NUP205: variants seen among roughly 807,000 people sequenced by gnomAD.
NUP205 encodes nucleoporin 205, also known as nuclear pore complex protein Nup205.
Under a neutral mutation model 253.8 loss-of-function variants are expected in NUP205, and 76 were observed. The ratio of observed to expected loss-of-function variants is 0.30; its 90% CI spans 0.25 to 0.36. NUP205 has a LOEUF of 0.36. Among genes scored for constraint, NUP205 ranks in the 10% least tolerant of loss-of-function variants. NUP205 has a pLI of 1.00. For synonymous variants in NUP205, 832 were observed against 850.1 expected (o/e 0.98, Z 0.37); for missense variants, 2,162 against 2,425.5 (o/e 0.89, Z 2.28).
intron 7 of NUP205, among the ~76,000 whole-genome samples, chr7:135,583,855 T>C (rs1424316870): frequency 6.6e-6 from 1 of 151,720 alleles, no homozygotes; most frequent in East Asian, 1.9e-4. Flanking sequence ...TTTTTTTTTT[T>C]TTTTTGAGAC....
chr7:135,570,050 T>TAGAGAGAG (rs768445558), intron 1 of NUP205, among the ~76,000 whole-genome samples: 21 of 88,914 alleles, frequency 2.4e-4, no homozygotes, highest in South Asian at 1.6e-3. Flanking sequence ...TATATATATA[T>TAGAGAGAG]ATAGAGAGAG....
chr7:135,646,152 C>T lies in NUP205; in HGVS notation c.5813-6C>T, dbSNP rs1563142463. On this transcript the variant is annotated splice_polypyrimidine_tract_variant and splice_region_variant and intron_variant, in intron 41 of 42. Transcript: ENST00000285968. ...AGCCGGTATGACTCTGTTTTTTTAT[C>T]TCTAGATTCCTTCGCCTCAGAAACC... The T allele has an allele frequency of 6.2e-7, 1 of 1,607,688 alleles. No individual in the cohort carries two copies. The highest frequency in any genetic ancestry group is 8.5e-7 in the Non-Finnish European group (1 of 1,174,272).
chr7:135,643,847 A>G (rs1794959977), intron 39 of NUP205, among the ~76,000 whole-genome samples: 1 of 152,236 alleles, frequency 6.6e-6, no homozygotes, highest in Non-Finnish European at 1.5e-5. Flanking sequence ...GATTGCTACT[A>G]AGTAGCTTGC....
chr7:135,603,716 G>T (rs1305955200), intron 18 of NUP205, among the ~76,000 whole-genome samples: 1 of 151,512 alleles, frequency 6.6e-6, no homozygotes. Flanking sequence ...CACCATATTG[G>T]CCAGGCTGGT....
chr7:135,576,246 T>C, intron 3 of NUP205, 24 bp from the exon 4 acceptor site: 2 of 1,605,010 alleles, frequency 1.2e-6, no homozygotes, highest in Non-Finnish European at 1.7e-6. Flanking sequence ...ATTAACAATA[T>C]TATTTCTCAA....
rs1793996089 is a variant in NUP205 at position 135,603,013 on chromosome 7, T to A, written c.2702+19T>A. ...TTGCCAGGTAAGTTACCTTTGTAGG[T>A]AGAGAAATGAAGTAAACAGATAGAC... On this transcript the variant is annotated intron_variant, in intron 18 of 42. Coordinates refer to ENST00000285968, the MANE Select transcript of NUP205 (RefSeq NM_015135.3). The A allele has an allele frequency of 1.9e-6, 3 of 1,579,774 alleles. No homozygotes were observed. Among genetic ancestry groups the A allele is most frequent in the Non-Finnish European group, 2.6e-6 (3 of 1,153,336 alleles).
chr7:135,608,826 T>C (rs115457889), intron 22 of NUP205, among the ~76,000 whole-genome samples: 5,199 of 151,876 alleles, frequency 0.034, 119 homozygotes, highest in Middle Eastern at 0.1. Flanking sequence ...CTTGGCCGCG[T>C]GCAGTGACTC....
intron 2 of NUP205, among the ~76,000 whole-genome samples, chr7:135,573,343 TTTTA>T (rs1364775920): frequency 3.3e-5 from 5 of 152,210 alleles, no homozygotes; most frequent in Non-Finnish European, 5.9e-5. Context: ...ACCTTATTAT[TTTTA>T]TTTATTATGT....
Position 135,645,558 on chromosome 7 carries a change from T to C in NUP205, c.5774T>C (p.Phe1925Ser). The change falls in exon 41 of 43, where the codon TTT becomes TCT. Residue 1925 changes from phenylalanine to serine, a missense_variant. This residue lies in a region of NUP205 where 1,144 missense variants were observed against 1,280.9 expected (regional missense o/e 0.89). Coordinates refer to ENST00000285968, the MANE Select transcript of NUP205 (RefSeq NM_015135.3). ...CMPTDSQDSLFASRTLFKSRR... is the reference protein window; with the variant it reads ...CMPTDSQDSLSASRTLFKSRR... ...CCCACGGATTCTCAAGATTCCTTATTTGCCTCGAGAACCTTGTTTAAAAGC... is the reference window on the plus strand; with the variant it reads ...CCCACGGATTCTCAAGATTCCTTATCTGCCTCGAGAACCTTGTTTAAAAGC... 1 of 1,614,166 alleles carries C rather than the reference T, an allele frequency of 6.2e-7. No individual in the cohort carries two copies. The highest frequency in any genetic ancestry group is 1.1e-5 in the South Asian group (1 of 91,082).
chr7:135,589,438 G>A (rs758271383), intron 10 of NUP205, among the ~76,000 whole-genome samples: 13 of 150,682 alleles, frequency 8.6e-5, no homozygotes, highest in African/African-American at 1.7e-4. Flanking sequence ...ATAGACATGC[G>A]CCACCACGCC....
In NUP205 at chr7:135,601,500, C is replaced by G; in HGVS notation, c.2505C>G (p.Pro835=). The change falls in exon 17 of 43, where the codon CCC becomes CCG. Residue 835 remains proline (P), a synonymous_variant. Transcript: ENST00000285968. The part of the protein sequence containing the change: ...EGVKQLDTYA[P]FPGKKHLEKA... ...TTAAGCAGCTTGACACCTATGCCCCCTTTCCTGGTATATGCTTAAAAGCCT... is the reference window on the plus strand; with the variant it reads ...TTAAGCAGCTTGACACCTATGCCCCGTTTCCTGGTATATGCTTAAAAGCCT... The G allele has an allele frequency of 6.2e-7, 1 of 1,612,438 alleles. No individual in the cohort carries two copies.
chr7:135,642,612 G>C (rs930993215), intron 38 of NUP205, among the ~76,000 whole-genome samples: 5 of 152,206 alleles, frequency 3.3e-5, no homozygotes, highest in African/African-American at 7.2e-5. Context: ...CTACCGTAAT[G>C]TAGCTGTTGT....
chr7:135,632,264 G>A (rs1485500700), intron 35 of NUP205, among the ~76,000 whole-genome samples: 4 of 152,014 alleles, frequency 2.6e-5, no homozygotes, highest in African/African-American at 9.7e-5. Context: ...TTAAATACTT[G>A]ACATGTTAAT....
intron 7 of NUP205, among the ~76,000 whole-genome samples, chr7:135,580,370 C>A (rs574727790): frequency 6.6e-6 from 1 of 152,308 alleles, no homozygotes; most frequent in South Asian, 2.1e-4. Context: ...CTGTTTCTCA[C>A]CTGTACGTAC....
intron 19 of NUP205, among the ~76,000 whole-genome samples, chr7:135,605,147 T>TG (rs1199712188): frequency 6.6e-6 from 1 of 152,068 alleles, no homozygotes; most frequent in African/African-American, 2.4e-5. Context: ...CCTCTGCCCC[T>TG]GGGCTCAAGC....
intron 24 of NUP205, 81 bp from the exon 25 acceptor site, chr7:135,616,574 C>T (rs1188128566): frequency 6.6e-6 from 5 of 759,982 alleles, no homozygotes; most frequent in South Asian, 5.1e-5. Context: ...AATAAGATAC[C>T]TTGTGTTTGT....
At chr7:135,570,080 G>T (rs1805909540) in intron 1 of NUP205, among the ~76,000 whole-genome samples, 2 of 149,870 alleles carry the variant, frequency 1.3e-5, no homozygotes, top group Non-Finnish European at 3.0e-5. Flanking sequence ...GAGAGAGAGA[G>T]AGAGAGAGAG....
chr7:135,644,870 C>G, intron 39 of NUP205, 25 bp from the exon 40 acceptor site: 2 of 1,610,730 alleles, frequency 1.2e-6, no homozygotes, highest in Non-Finnish European at 1.7e-6. Flanking sequence ...TGATGTCATT[C>G]TAATACCACA....
intron 39 of NUP205, among the ~76,000 whole-genome samples, chr7:135,644,168 T>G (rs1161980845): frequency 6.6e-6 from 1 of 152,164 alleles, no homozygotes; most frequent in Non-Finnish European, 1.5e-5. Context: ...GTGAGGAAAC[T>G]GAGGCACAGA....
Sources: gnomAD v4.1 joint callset for allele counts (sites outside exome capture counted in the v4.1 genomes callset) on GRCh38, gnomAD v4.1.1 for gene constraint, gnomAD v4.1.1 regional missense constraint, MANE v1.5 for transcripts, NCBI Gene and HGNC (gene_info 2026-07-23, HGNC 2026-07-21) for gene names.